SYNDIG1: variants seen among roughly 807,000 people sequenced by gnomAD.
SYNDIG1 encodes synapse differentiation-inducing gene protein 1.
A neutral mutation model predicts 19.4 loss-of-function variants in SYNDIG1; 9 were observed. That is an observed-to-expected ratio of 0.46 (90% CI 0.28 to 0.81). The LOEUF is 0.81. Among genes scored for constraint, SYNDIG1 ranks in the 30% least tolerant of loss-of-function variants. SYNDIG1 has a pLI of 0.12. For synonymous variants in SYNDIG1, 141 were observed against 145.9 expected (o/e 0.97, Z 0.24); for missense variants, 311 against 343.3 (o/e 0.91, Z 0.74).
chr20:24,478,543 G>C (rs1255542002), intron 1 of SYNDIG1, among the ~76,000 whole-genome samples: 1 of 152,220 alleles, frequency 6.6e-6, no homozygotes, highest in Non-Finnish European at 1.5e-5. Flanking sequence ...CTCACCCACT[G>C]TACTTAGTTT....
intron 3 of SYNDIG1, among the ~76,000 whole-genome samples, chr20:24,598,718 A>G (rs73345326): frequency 0.011 from 1,631 of 152,314 alleles, 35 homozygotes; most frequent in African/African-American, 0.037. Context: ...TATTTTTCCC[A>G]TGGAAACATT....
In SYNDIG1 at chr20:24,542,282, G is replaced by A. The variant is rs143810101; in HGVS notation, c.-78-738G>A. ...ATCAGTTGTAAAATCAACTTGTTCA[G>A]CAGGCCAAAATGTGCACTGTACACT... is the stretch of plus-strand genomic sequence containing the variant. On this transcript the variant is annotated intron_variant, in intron 1 of 3. Coordinates refer to ENST00000376862, the MANE Select transcript of SYNDIG1 (RefSeq NM_024893.3). 6.8e-3 allele frequency among the ~76,000 whole-genome samples: 1,039 copies of A among 152,258 alleles called. 19 individuals are homozygous for A. Among genetic ancestry groups the A allele is most frequent in the African/African-American group, 0.023 (970 of 41,540 alleles).
At chr20:24,481,845 G>C in intron 1 of SYNDIG1, among the ~76,000 whole-genome samples, 1 of 151,994 alleles carries the variant, frequency 6.6e-6, no homozygotes, top group East Asian at 1.9e-4. Flanking sequence ...AGTTCTGAAT[G>C]TATATAAAAA....
chr20:24,607,631 C>T (rs943988894), intron 3 of SYNDIG1, among the ~76,000 whole-genome samples: 1 of 152,238 alleles, frequency 6.6e-6, no homozygotes. Flanking sequence ...CGGGCTCCCC[C>T]TCTCCCTGCT....
At chr20:24,483,699 C>G (rs942783107) in intron 1 of SYNDIG1, among the ~76,000 whole-genome samples, 3 of 152,228 alleles carry the variant, frequency 2.0e-5, no homozygotes, top group Non-Finnish European at 4.4e-5. Flanking sequence ...GATATGTTTT[C>G]AAGAGTAGTT....
chr20:24,543,643 G>C lies in SYNDIG1; in HGVS notation c.480+66G>C, dbSNP rs1341508483. On this transcript the variant is annotated intron_variant, in intron 2 of 3. Coordinates refer to ENST00000376862, the MANE Select transcript of SYNDIG1 (RefSeq NM_024893.3). ...GATGGGGATTCTAGGGAGGGCAGGA[G>C]CCATGAATGCCTGGCAAAAGTTAGG... 4 of 1,546,254 alleles carry C rather than the reference G, an allele frequency of 2.6e-6. No homozygotes were observed. The East Asian group carries it at 9.0e-5, about 35-fold the overall frequency.
intron 2 of SYNDIG1, among the ~76,000 whole-genome samples, chr20:24,581,763 A>G (rs1229368331): frequency 6.6e-6 from 1 of 151,910 alleles, no homozygotes; most frequent in Non-Finnish European, 1.5e-5. Flanking sequence ...TCCATGTTGC[A>G]TGTGCTCCAT....
intron 2 of SYNDIG1, among the ~76,000 whole-genome samples, chr20:24,584,547 C>T (rs559669788): frequency 4.6e-5 from 7 of 152,202 alleles, no homozygotes; most frequent in Non-Finnish European, 1.0e-4. Flanking sequence ...ACCATCCAGG[C>T]ACTCACATCC....
At chr20:24,524,299 T>C (rs2057068533) in intron 1 of SYNDIG1, among the ~76,000 whole-genome samples, 1 of 152,192 alleles carries the variant, frequency 6.6e-6, no homozygotes, top group South Asian at 2.1e-4. Flanking sequence ...CTGTCCACAC[T>C]CCTTCTTCTC....
chr20:24,471,159 C>T (rs1454563647), intron 1 of SYNDIG1, among the ~76,000 whole-genome samples: 1 of 152,026 alleles, frequency 6.6e-6, no homozygotes, highest in Non-Finnish European at 1.5e-5. Context: ...AGCCTCATAG[C>T]CCCCAGAGCC....
intron 2 of SYNDIG1, among the ~76,000 whole-genome samples, chr20:24,560,029 CT>C (rs56884793): frequency 0.65 from 57,599 of 88,656 alleles, 16,169 homozygotes; most frequent in East Asian, 0.72. Context: ...ATTTCTTTGA[CT>C]TTTTTTTTTT....
At chr20:24,536,354 G>T (rs1235272638) in intron 1 of SYNDIG1, among the ~76,000 whole-genome samples, 1 of 152,104 alleles carries the variant, frequency 6.6e-6, no homozygotes, top group East Asian at 1.9e-4. Flanking sequence ...GAGGAGTTGG[G>T]CATCCTGAGT....
chr20:24,655,202 T>G (rs1218153035), intron 3 of SYNDIG1, among the ~76,000 whole-genome samples: 3 of 152,190 alleles, frequency 2.0e-5, no homozygotes, highest in Non-Finnish European at 2.9e-5. Flanking sequence ...ATTAATAGAT[T>G]ATCTGATATG....
chr20:24,622,562 G>A (rs537178928), intron 3 of SYNDIG1, among the ~76,000 whole-genome samples: 5 of 152,300 alleles, frequency 3.3e-5, no homozygotes, highest in African/African-American at 9.6e-5. Flanking sequence ...AATGCAAACC[G>A]TATTATGAAC....
In SYNDIG1 at chr20:24,658,691, G is replaced by A. The variant is rs2059554381; in HGVS notation, c.619-6655G>A. Reference sequence around the variant, plus strand: ...GTGGGTGTGGAGCCTGTTTCCCAGGGGCCTGGGAAAGCCCACAAAGTGCAC... The same window carrying A: ...GTGGGTGTGGAGCCTGTTTCCCAGGAGCCTGGGAAAGCCCACAAAGTGCAC... On this transcript the variant is annotated intron_variant, in intron 3 of 3. Coordinates refer to ENST00000376862, the MANE Select transcript of SYNDIG1 (RefSeq NM_024893.3). This position sits in a 1 kb window ranked among gnomAD's most constrained non-coding sequence, Gnocchi z 4.4. Among the ~76,000 whole-genome samples, 1 of 151,488 alleles carries A rather than the reference G, an allele frequency of 6.6e-6. No homozygotes were observed. The highest frequency in any genetic ancestry group is 1.5e-5 in the Non-Finnish European group (1 of 67,856).
intron 3 of SYNDIG1, among the ~76,000 whole-genome samples, chr20:24,596,606 T>G (rs535896900): frequency 3.9e-5 from 6 of 152,312 alleles, no homozygotes; most frequent in South Asian, 4.1e-4. Context: ...CTCGAACTCC[T>G]GACCTCAAGT....
intron 3 of SYNDIG1, among the ~76,000 whole-genome samples, chr20:24,643,359 C>T (rs1476734579): frequency 6.6e-6 from 1 of 152,090 alleles, no homozygotes; most frequent in Non-Finnish European, 1.5e-5. Context: ...GTAACTTTAT[C>T]AGCTAGAGTG....
chr20:24,479,974 GCA>G (rs144347030), intron 1 of SYNDIG1, among the ~76,000 whole-genome samples: 2 of 152,202 alleles, frequency 1.3e-5, no homozygotes, highest in African/African-American at 2.4e-5. Context: ...ACAAATGCCT[GCA>G]CACACACACA....
chr20:24,568,624 A>C (rs970580502), intron 2 of SYNDIG1, among the ~76,000 whole-genome samples: 8 of 152,218 alleles, frequency 5.3e-5, no homozygotes, highest in African/African-American at 1.9e-4. Context: ...TATGGCGCAC[A>C]TTGTCCTGAT....
Sources: allele counts gnomAD v4.1 joint callset (sites outside exome capture counted in the v4.1 genomes callset), GRCh38; gene constraint gnomAD v4.1.1; non-coding constraint Gnocchi (gnomAD v3.1); transcripts MANE v1.5; gene names NCBI Gene and HGNC (gene_info 2026-07-23, HGNC 2026-07-21).